FAM149B1: variants seen among roughly 807,000 people sequenced by gnomAD.
FAM149B1 encodes primary cilium assembly protein FAM149B1.
A neutral mutation model predicts 75.3 loss-of-function variants in FAM149B1; 56 were observed. That is an observed-to-expected ratio of 0.74 (90% confidence interval 0.60 to 0.93). The LOEUF (loss-of-function observed/expected upper bound fraction) is 0.93. FAM149B1 is among the 40% of genes least tolerant of loss of function. FAM149B1 has a pLI of 0.00. For synonymous variants in FAM149B1, 259 were observed against 256.1 expected (o/e 1.01, Z -0.11); for missense variants, 639 against 708.4 (o/e 0.90, Z 1.11).
chr10:73,181,460 T>C (rs541485118), intron 3 of FAM149B1, among the ~76,000 whole-genome samples: 4 of 152,348 alleles, frequency 2.6e-5, no homozygotes, highest in African/African-American at 9.6e-5. Context: ...TCTAGTATCA[T>C]TTGTTTCAAG....
intron 3 of FAM149B1, among the ~76,000 whole-genome samples, chr10:73,182,434 A>G (rs2042421802): frequency 6.6e-6 from 1 of 151,664 alleles, no homozygotes; most frequent in South Asian, 2.1e-4. Context: ...CTGGTCTCGA[A>G]CTCCTGACCT....
chr10:73,197,159 A>G (rs1589154239), intron 5 of FAM149B1, among the ~76,000 whole-genome samples: 2 of 151,564 alleles, frequency 1.3e-5, no homozygotes, highest in African/African-American at 4.9e-5. Context: ...GTGCTCCACC[A>G]CATCTGGCTA....
chr10:73,192,429 AAC>A, intron 3 of FAM149B1, 125 bp from the exon 4 acceptor site: 3 of 890,878 alleles, frequency 3.4e-6, no homozygotes, highest in Non-Finnish European at 5.0e-6. Flanking sequence ...CTTTCGTGGA[AAC>A]ACAGCAGTAT....
intron 5 of FAM149B1, among the ~76,000 whole-genome samples, chr10:73,207,370 C>G (rs2043089892): frequency 6.6e-6 from 1 of 152,020 alleles, no homozygotes; most frequent in Non-Finnish European, 1.5e-5. Context: ...TCGAGACCAG[C>G]CTGGCCAACA....
chr10:73,222,635 T>C (rs1239767599), intron 7 of FAM149B1, among the ~76,000 whole-genome samples: 1 of 152,192 alleles, frequency 6.6e-6, no homozygotes, highest in Non-Finnish European at 1.5e-5. Context: ...GTTCCCACTC[T>C]TTATGCCATA....
intron 13 of FAM149B1, among the ~76,000 whole-genome samples, chr10:73,240,127 C>T (rs1473519609): frequency 6.6e-6 from 1 of 152,116 alleles, no homozygotes; most frequent in Non-Finnish European, 1.5e-5. Context: ...GCTATGTTGC[C>T]CAGGCTGCAG....
chr10:73,176,122 G>A (rs190875080), intron 2 of FAM149B1, among the ~76,000 whole-genome samples: 148 of 152,156 alleles, frequency 9.7e-4, no homozygotes, highest in African/African-American at 3.4e-3. Context: ...GGTTCCATCC[G>A]GGGATGATGG....
chr10:73,222,009 A>T (rs1297892495), intron 7 of FAM149B1, among the ~76,000 whole-genome samples: 1 of 152,076 alleles, frequency 6.6e-6, no homozygotes, highest in Non-Finnish European at 1.5e-5. Context: ...TCTCTATTTG[A>T]TATTTTGAAA....
At chr10:73,239,130 G>A (rs1366611430) in intron 12 of FAM149B1, 182 bp from the exon 13 acceptor site, 1 of 523,442 alleles carries the variant, frequency 1.9e-6, no homozygotes, top group Non-Finnish European at 3.4e-6. Flanking sequence ...TGGCTTTGTG[G>A]GCATCTGGCT....
intron 5 of FAM149B1, among the ~76,000 whole-genome samples, chr10:73,204,939 G>T: frequency 9.9e-6 from 1 of 100,692 alleles, no homozygotes; most frequent in Non-Finnish European, 1.9e-5. Context: ...CACCATGCCT[G>T]GCTAATTTTT....
chr10:73,228,199 G>A lies in FAM149B1; in HGVS notation c.1023+15G>A. 6.4e-7 allele frequency: 1 copy of A among 1,551,220 alleles called. No homozygotes were observed. The highest frequency in any genetic ancestry group is 8.7e-7 in the Non-Finnish European group (1 of 1,146,634). ...CCTCAAATCCGGTAAGCCCCAGAGG[G>A]ATCAGTTGGAGACCCCAGGGCTACT... On this transcript the variant is annotated intron_variant, in intron 8 of 13. Transcript: ENST00000242505.
At chr10:73,199,867 A>G in intron 5 of FAM149B1, 1 of 178,390 alleles carries the variant, frequency 5.6e-6, no homozygotes, top group Non-Finnish European at 1.2e-5. Flanking sequence ...GAGAACATGG[A>G]GACCCAGAGA....
intron 5 of FAM149B1, chr10:73,199,943 A>G (rs1009180866): frequency 6.2e-5 from 11 of 177,198 alleles, no homozygotes; most frequent in African/African-American, 2.6e-4. Flanking sequence ...TGATGATACA[A>G]ACTTTAAAAA....
At chr10:73,240,714 C>CAAA (rs55812252) in intron 13 of FAM149B1, among the ~76,000 whole-genome samples, 1 of 106,912 alleles carries the variant, frequency 9.4e-6, no homozygotes, top group Non-Finnish European at 2.0e-5. Context: ...ACTCCACCTC[C>CAAA]AAAAAAAAAA....
chr10:73,190,507 A>C (rs1368214490), intron 3 of FAM149B1, among the ~76,000 whole-genome samples: 3 of 151,852 alleles, frequency 2.0e-5, no homozygotes, highest in Admixed American at 1.3e-4. Context: ...CAAAAAAAAA[A>C]CCCACTCCCA....
At chr10:73,204,771 CTTTTTTTTTT>C (rs772508767) in intron 5 of FAM149B1, among the ~76,000 whole-genome samples, 2 of 92,952 alleles carry the variant, frequency 2.2e-5, no homozygotes, top group Non-Finnish European at 4.0e-5. Context: ...TGTGATTATT[CTTTTTTTTTT>C]TTTTTTTTTT....
chr10:73,239,408 AT>A (rs2133417569), intron 13 of FAM149B1, 24 bp downstream of exon 13: 1 of 1,529,782 alleles, frequency 6.5e-7, no homozygotes, highest in African/African-American at 1.4e-5. Context: ...CATGGCCCTT[AT>A]TTACTACTGT....
rs180870917 is a variant in FAM149B1, at chr10:73,205,214, G to A, written c.543-3405G>A. On this transcript the variant is annotated intron_variant, in intron 5 of 13. Transcript: ENST00000242505. ...AGAATTATAATCCCTAGTGCTGGAG[G>A]TGGGGCCTGGTGGGAGGTGTCTGAG... Among the ~76,000 whole-genome samples the A allele has an allele frequency of 2.6e-3, 393 of 151,966 alleles. 1 individual carries two copies. The highest frequency in any genetic ancestry group is 9.0e-3 in the African/African-American group (374 of 41,458).
intron 12 of FAM149B1, among the ~76,000 whole-genome samples, chr10:73,236,844 TAGCTGG>T (rs1564718252): frequency 6.6e-6 from 1 of 151,682 alleles, no homozygotes; most frequent in African/African-American, 2.4e-5. Context: ...GCCTCCTGAG[TAGCTGG>T]GACTACAGGC....
Sources: allele counts gnomAD v4.1 joint callset (sites outside exome capture counted in the v4.1 genomes callset), GRCh38; gene constraint gnomAD v4.1.1; transcripts MANE v1.5; gene names NCBI Gene and HGNC (gene_info 2026-07-23, HGNC 2026-07-21).